Variants in CORT observed in about 807,000 individuals in gnomAD.
CORT encodes cortistatin.
CORT carries 2 observed loss-of-function variants against 4.4 expected under a neutral mutation model. That is an observed-to-expected ratio of 0.46 (90% confidence interval 0.19 to 1.44). The LOEUF (loss-of-function observed/expected upper bound fraction) is 1.44. Among genes scored for constraint, CORT ranks in the 40% most tolerant of loss-of-function variants. The pLI, the probability that CORT is intolerant of heterozygous loss-of-function variation, is 0.26. For synonymous variants in CORT, 72 were observed against 62.0 expected (o/e 1.16, Z -0.75); for missense variants, 158 against 140.2 (o/e 1.13, Z -0.64).
At position 10,451,273 on chromosome 1, in the gene CORT, ATT is replaced by A. The variant is rs3838398; in HGVS notation, c.100-94_100-93del. 1,895 of 1,192,852 alleles carry A rather than the reference ATT, an allele frequency of 1.6e-3. 1 individual carries two copies. Among genetic ancestry groups the A allele is most frequent in the Middle Eastern group, 2.6e-3 (9 of 3,408 alleles). The allele number at this position is 1,192,852 out of a possible 1,614,324, so 73.9% of individuals were successfully genotyped here. ...TTTCTCCAGGGTAGTCTTTTAGATC[ATT>A]TTTTTTTTTAAGTAAGGAGGAGATT... On this transcript the variant is annotated intron_variant, in intron 1 of 1. Transcript: ENST00000377049.
rs747883035 is a variant in CORT, at chr1:10,450,067, G to A, written c.-157G>A. The A allele has an allele frequency of 6.5e-5, 101 of 1,549,616 alleles. No homozygotes were observed. Among genetic ancestry groups the A allele is most frequent in the Non-Finnish European group, 8.4e-5 (96 of 1,145,142 alleles). The stretch of plus-strand genomic sequence containing the variant: ...AGGGAAGAGGGAAGAGGATCCAGGC[G>A]TTAGACATGTATAGACACAAAAACA... On this transcript the variant is annotated 5_prime_UTR_variant, in exon 1 of 2. Transcript: ENST00000377049.
Position 10,451,761 on chromosome 1 carries a change from A to C in CORT, c.*166A>C. ...CGTGTCTTGAGTAATTTGGAACCCA[A>C]AGTGAAGATCTTTGATAAAGATTTT... On this transcript the variant is annotated 3_prime_UTR_variant, in exon 2 of 2. Coordinates refer to ENST00000377049, the MANE Select transcript of CORT (RefSeq NM_001302.5). The C allele has an allele frequency of 3.4e-6, 4 of 1,163,012 alleles. No individual in the cohort carries two copies. Among genetic ancestry groups the C allele is most frequent in the Non-Finnish European group, 3.5e-6 (3 of 865,954 alleles). The allele number at this position is 1,163,012 out of a possible 1,614,324, so 72.0% of individuals were successfully genotyped here.
rs1240724913 is a variant in CORT, at chr1:10,450,286, G to A, written c.63G>A (p.Leu21=). 2.0e-6 allele frequency: 3 copies of A among 1,530,406 alleles called. No individual in the cohort carries two copies. The East Asian group carries it at 7.0e-5, about 36-fold the overall frequency. 94.8% of individuals were successfully genotyped at this position (1,530,406 alleles called of 1,614,324 possible). A position where few individuals can be genotyped will look rare whatever the true frequency, so the allele number is the denominator to read the frequency against. ...LLSGATATAA[L]PLEGGPTGRD... is the part of the protein sequence containing the mutation. The stretch of plus-strand genomic sequence containing the variant: ...CCGGGGCCACGGCCACCGCTGCCCT[G>A]CCCCTGGAGGGTGGCCCCACCGGCC... Residue 21 remains leucine, a synonymous_variant, in exon 1 of 2, where the codon CTG becomes CTA. Transcript: ENST00000377049.
Position 10,451,533 on chromosome 1 carries a change from G to A in CORT, c.256G>A (p.Ala86Thr), listed in dbSNP as rs550348685. The A allele has an allele frequency of 1.4e-5, 23 of 1,613,884 alleles. No individual in the cohort carries two copies. The highest frequency in any genetic ancestry group is 1.4e-5 in the Non-Finnish European group (16 of 1,179,954). ...GGAAGGCGCACCCCCCCAGCAATCTGCGCGCCGGGACAGAATGCCCTGCAG... is the reference window on the plus strand; with the variant it reads ...GGAAGGCGCACCCCCCCAGCAATCTACGCGCCGGGACAGAATGCCCTGCAG... ...RQEGAPPQQS[A>T]RRDRMPCRNF... Residue 86 changes from alanine to threonine, a missense_variant, in exon 2 of 2, where the codon GCG becomes ACG. Physicochemically the swap from Ala to Thr is moderately conservative, Grantham distance 58. Coordinates refer to ENST00000377049, the MANE Select transcript of CORT (RefSeq NM_001302.5).
Position 10,450,085 on chromosome 1 carries a change from C to CA in CORT, c.-134dup. The CA allele has an allele frequency of 6.3e-7, 1 of 1,599,168 alleles. No homozygotes were observed. The highest frequency in any genetic ancestry group is 1.1e-5 in the South Asian group (1 of 88,102). ...TCCAGGCGTTAGACATGTATAGACA[C>CA]AAAAACAGCTGGAGATTGGGCTTAA... On this transcript the variant is annotated 5_prime_UTR_variant, in exon 1 of 2. Coordinates refer to ENST00000377049, the MANE Select transcript of CORT (RefSeq NM_001302.5).
rs771389549 is a variant in CORT, at chr1:10,450,349, C to T, written c.99+27C>T. 57 of 1,451,966 alleles carry T rather than the reference C, an allele frequency of 3.9e-5. 1 individual carries two copies. The highest frequency in any genetic ancestry group is 6.2e-5 in the South Asian group (4 of 64,480). 89.9% of individuals were successfully genotyped at this position (1,451,966 alleles called of 1,614,324 possible). ...TGAGTACAGTCCCGACGTGGCCACA[C>T]GCTAGCCCACTCTCTGTCTCTTGTT... On this transcript the variant is annotated intron_variant, in intron 1 of 1. Transcript: ENST00000377049.
rs1340687373 is a variant in CORT, at chr1:10,451,565, C to T, written c.288C>T (p.Phe96=). The change falls in exon 2 of 2, where the codon TTC becomes TTT. Residue 96 remains phenylalanine (F), a synonymous_variant. Transcript: ENST00000377049. ...ARRDRMPCRN[F]FWKTFSSCK ...GGGACAGAATGCCCTGCAGGAACTT[C>T]TTCTGGAAGACCTTCTCCTCCTGCA... is the stretch of plus-strand genomic sequence containing the variant. 1 of 1,613,396 alleles carries T rather than the reference C, an allele frequency of 6.2e-7. No individual in the cohort carries two copies. Among genetic ancestry groups the T allele is most frequent in the Non-Finnish European group, 8.5e-7 (1 of 1,179,860 alleles).
intron 1 of CORT, among the ~76,000 whole-genome samples, chr1:10,450,701 C>T (rs1640758902): frequency 6.6e-6 from 1 of 152,188 alleles, no homozygotes; most frequent in Non-Finnish European, 1.5e-5. Flanking sequence ...TAATTGGCAT[C>T]ATTACATTTT....
At position 10,451,530 on chromosome 1, in the gene CORT, T is replaced by A; in HGVS notation, c.253T>A (p.Ser85Thr). ...GCAGGAAGGCGCACCCCCCCAGCAA[T>A]CTGCGCGCCGGGACAGAATGCCCTG... ...RRQEGAPPQQ[S>T]ARRDRMPCRN... Residue 85 changes from serine (S) to threonine (T), a missense_variant, in exon 2 of 2, where the codon TCT becomes ACT. Transcript: ENST00000377049. 6.2e-7 allele frequency: 1 copy of A among 1,613,996 alleles called. No individual in the cohort carries two copies. Among genetic ancestry groups the A allele is most frequent in the South Asian group, 1.1e-5 (1 of 91,072 alleles).
chr1:10,450,734 C>T (rs1184258042), intron 1 of CORT, among the ~76,000 whole-genome samples: 1 of 152,126 alleles, frequency 6.6e-6, no homozygotes, highest in Admixed American at 6.5e-5. Context: ...TTTGTAACTT[C>T]GTGAGGTGAT....
At chr1:10,451,273 A>C (rs576145148) in intron 1 of CORT, 104 bp from the exon 2 acceptor site, 1 of 1,152,466 alleles carries the variant, frequency 8.7e-7, no homozygotes. Flanking sequence ...CTTTTAGATC[A>C]TTTTTTTTTT....
At position 10,450,149 on chromosome 1, in the gene CORT, A is replaced by C; in HGVS notation, c.-75A>C. On this transcript the variant is annotated 5_prime_UTR_variant, in exon 1 of 2. Coordinates refer to ENST00000377049, the MANE Select transcript of CORT (RefSeq NM_001302.5). ...CTCCAAAGAAGAGACCCAAGTCCCCAAAACATTGATTTCAGGGCTGCCAGG... is the reference window on the plus strand; with the variant it reads ...CTCCAAAGAAGAGACCCAAGTCCCCCAAACATTGATTTCAGGGCTGCCAGG... The C allele has an allele frequency of 6.2e-7, 1 of 1,610,528 alleles. No individual in the cohort carries two copies. Among genetic ancestry groups the C allele is most frequent in the Non-Finnish European group, 8.5e-7 (1 of 1,178,662 alleles).
At chr1:10,450,357 C>T in intron 1 of CORT, 35 bp downstream of exon 1, 5 of 1,446,356 alleles carry the variant, frequency 3.5e-6, no homozygotes, top group Non-Finnish European at 4.6e-6. Flanking sequence ...CACGCTAGCC[C>T]ACTCTCTGTC....
intron 1 of CORT, 73 bp from the exon 2 acceptor site, chr1:10,451,304 T>G: frequency 6.9e-7 from 1 of 1,449,632 alleles, no homozygotes; most frequent in Non-Finnish European, 9.1e-7. Context: ...GGAGATTGCA[T>G]ATCTTTGAAT....
chr1:10,451,523 C>T lies in CORT; in HGVS notation c.246C>T (p.Pro82=), dbSNP rs773086446. The T allele has an allele frequency of 1.2e-6, 2 of 1,613,934 alleles. No individual in the cohort carries two copies. Among genetic ancestry groups the T allele is most frequent in the Non-Finnish European group, 8.5e-7 (1 of 1,180,018 alleles). ...EVARRQEGAP[P]QQSARRDRMP... is the part of the protein sequence containing the mutation. Reference sequence around the variant, plus strand: ...CCAGGCGGCAGGAAGGCGCACCCCCCCAGCAATCTGCGCGCCGGGACAGAA... The same window carrying T: ...CCAGGCGGCAGGAAGGCGCACCCCCTCAGCAATCTGCGCGCCGGGACAGAA... The change falls in exon 2 of 2, where the codon CCC becomes CCT. Residue 82 remains proline, a synonymous_variant. Transcript: ENST00000377049.
At position 10,451,372 on chromosome 1, in the gene CORT, A is replaced by G; in HGVS notation, c.100-5A>G. ...TTTCCTTTGCCATCTGCTTCTCTTTAAAAGCATATGCAGGAAGCGGCAGGA... is the reference window on the plus strand; with the variant it reads ...TTTCCTTTGCCATCTGCTTCTCTTTGAAAGCATATGCAGGAAGCGGCAGGA... On this transcript the variant is annotated splice_polypyrimidine_tract_variant and splice_region_variant and intron_variant, in intron 1 of 1. Coordinates refer to ENST00000377049, the MANE Select transcript of CORT (RefSeq NM_001302.5). The G allele has an allele frequency of 6.3e-7, 1 of 1,595,814 alleles. No homozygotes were observed.
In CORT at chr1:10,451,475, A is replaced by G. The variant is rs1195188816; in HGVS notation, c.198A>G (p.Ile66Met). Reference protein sequence around the residue: ...WTSQASAGPLIGEEAREVARR... With the variant: ...WTSQASAGPLMGEEAREVARR... ...CCCAGGCCAGTGCCGGGCCCCTCATAGGAGAGGAAGCCCGGGAGGTGGCCA... is the reference window on the plus strand; with the variant it reads ...CCCAGGCCAGTGCCGGGCCCCTCATGGGAGAGGAAGCCCGGGAGGTGGCCA... Residue 66 changes from isoleucine (I) to methionine (M), a missense_variant, in exon 2 of 2, where the codon ATA (isoleucine) becomes ATG (methionine). Ile to Met is a conservative substitution (Grantham distance 10). Transcript: ENST00000377049. 8 of 1,614,168 alleles carry G rather than the reference A, an allele frequency of 5.0e-6. No individual in the cohort carries two copies. Among genetic ancestry groups the G allele is most frequent in the Admixed American group, 1.7e-5 (1 of 60,016 alleles).
chr1:10,450,078 A>G lies in CORT; in HGVS notation c.-146A>G, dbSNP rs769727511. ...AAGAGGATCCAGGCGTTAGACATGT[A>G]TAGACACAAAAACAGCTGGAGATTG... On this transcript the variant is annotated 5_prime_UTR_variant, in exon 1 of 2. Coordinates refer to ENST00000377049, the MANE Select transcript of CORT (RefSeq NM_001302.5). 8 of 1,596,170 alleles carry G rather than the reference A, an allele frequency of 5.0e-6. No homozygotes were observed. In the South Asian group the frequency reaches 9.1e-5, roughly 18 times the overall value.
At position 10,451,598 on chromosome 1, in the gene CORT, C is replaced by A; in HGVS notation, c.*3C>A. On this transcript the variant is annotated 3_prime_UTR_variant, in exon 2 of 2. Coordinates refer to ENST00000377049, the MANE Select transcript of CORT (RefSeq NM_001302.5). ...AGACCTTCTCCTCCTGCAAATAAAA[C>A]CTCACCCATGAATGCTCACGCAAGT... The A allele has an allele frequency of 2.5e-6, 4 of 1,610,340 alleles. No homozygotes were observed. The highest frequency in any genetic ancestry group is 3.4e-6 in the Non-Finnish European group (4 of 1,178,676).
Sources: allele counts gnomAD v4.1 joint callset (sites outside exome capture counted in the v4.1 genomes callset), GRCh38; gene constraint gnomAD v4.1.1; transcripts MANE v1.5; gene names NCBI Gene and HGNC (gene_info 2026-07-23, HGNC 2026-07-21).